The following SERPINB1 variants were observed in gnomAD, a reference collection of about 807,000 sequenced individuals.
SERPINB1 encodes serpin family B member 1.
Under a neutral mutation model 25.9 loss-of-function variants are expected in SERPINB1, and 23 were observed. The ratio of observed to expected loss-of-function variants is 0.89; its 90% CI spans 0.64 to 1.26. The LOEUF is 1.26. SERPINB1 is among the 50% of genes most tolerant of loss of function. The pLI, the probability that SERPINB1 is intolerant of heterozygous loss-of-function variation, is 0.00. For synonymous variants in SERPINB1, 178 were observed against 178.7 expected (o/e 1.00, Z 0.03); for missense variants, 399 against 463.6 (o/e 0.86, Z 1.28).
chr6:2,836,119 T>C lies in SERPINB1; in HGVS notation c.556A>G (p.Arg186Gly). 6.2e-7 allele frequency: 1 copy of C among 1,614,090 alleles called. No homozygotes were observed. The highest frequency in any genetic ancestry group is 8.5e-7 in the Non-Finnish European group (1 of 1,179,998). ...MKEATTNAPFRLNKKDRKTVK... is the reference protein window; with the variant it reads ...MKEATTNAPFGLNKKDRKTVK... ...TTACCTCACCTCACCTTATTCAATC[T>C]GAATGGTGCATTCGTCGTGGCTTCT... is the stretch of plus-strand genomic sequence containing the variant. The change falls in exon 5 of 7, where the codon AGA becomes GGA. Residue 186 changes from arginine (R) to glycine (G), a missense_variant. Transcript: ENST00000380739.
chr6:2,836,722 G>A (rs1434136353), intron 4 of SERPINB1, among the ~76,000 whole-genome samples: 1 of 131,878 alleles, frequency 7.6e-6, no homozygotes, highest in Non-Finnish European at 1.7e-5. Context: ...AAGCATGGTG[G>A]CGCACACCTG....
At chr6:2,839,611 C>G (rs754416068) in intron 2 of SERPINB1, 63 of 452,346 alleles carry the variant, frequency 1.4e-4, no homozygotes, top group Non-Finnish European at 1.7e-4. Flanking sequence ...CTGCACCTTG[C>G]CAAGGAACAG....
rs1489741741 is a variant in SERPINB1, at chr6:2,833,856, T to TA, written c.891dup (p.Asn298Ter). 1 of 1,614,210 alleles carries TA rather than the reference T, an allele frequency of 6.2e-7. No homozygotes were observed. The highest frequency in any genetic ancestry group is 1.1e-5 in the South Asian group (1 of 91,086). On this transcript the variant is annotated frameshift_variant, in exon 7 of 7. Transcript: ENST00000380739. LOFTEE classifies it low-confidence loss of function (END_TRUNC). ...CCAGACAGATCAGCCTTGCTACTGT[T>TA]AAAGAGATCCTGCACACCTAGGCGG...
In SERPINB1 at chr6:2,837,437, C is replaced by A. The variant is rs145659410; in HGVS notation, c.424+445G>T. The stretch of plus-strand genomic sequence containing the variant: ...GGGATTACAGGTGTGTGCTACCACA[C>A]CTGGCTAAATTTTTTGTATTTTTAG... On this transcript the variant is annotated intron_variant, in intron 4 of 6. Transcript: ENST00000380739. The surrounding 1 kb of genome is among the most constrained non-coding windows in gnomAD (Gnocchi z 4.3). Among the ~76,000 whole-genome samples the A allele has an allele frequency of 4.6e-3, 695 of 152,062 alleles. 9 individuals are homozygous for A. Among genetic ancestry groups the A allele is most frequent in the African/African-American group, 0.016 (666 of 41,450 alleles).
intron 2 of SERPINB1, among the ~76,000 whole-genome samples, chr6:2,839,014 T>A (rs1766574062): frequency 6.6e-6 from 1 of 152,240 alleles, no homozygotes; most frequent in Non-Finnish European, 1.5e-5. Flanking sequence ...AAATGGTATG[T>A]TCATATTTAT....
At chr6:2,840,933 C>T (rs1296097724) in intron 1 of SERPINB1, among the ~76,000 whole-genome samples, 1 of 152,126 alleles carries the variant, frequency 6.6e-6, no homozygotes, top group Non-Finnish European at 1.5e-5. Flanking sequence ...AGGGCCCACC[C>T]AGCCCTGGGT....
chr6:2,838,816 A>G, intron 2 of SERPINB1, 130 bp from the exon 3 acceptor site: 1 of 715,426 alleles, frequency 1.4e-6, no homozygotes, highest in Non-Finnish European at 2.0e-6. Context: ...CAAACCCAAT[A>G]CTTTATTAAT....
Position 2,836,270 on chromosome 6 carries a change from G to A in SERPINB1, c.425-20C>T. ...TTTTTCCTAAAAAAAAATCAAGTTA[G>A]CGTAAAAAAAATCCAAATCGGAATT... On this transcript the variant is annotated intron_variant, in intron 4 of 6. Coordinates refer to ENST00000380739, the MANE Select transcript of SERPINB1 (RefSeq NM_030666.4). 6.3e-7 allele frequency: 1 copy of A among 1,576,792 alleles called. No homozygotes were observed. The highest frequency in any genetic ancestry group is 8.6e-7 in the Non-Finnish European group (1 of 1,165,146).
rs1766536600 is a variant in SERPINB1, at chr6:2,837,824, C to T, written c.424+58G>A. On this transcript the variant is annotated intron_variant, in intron 4 of 6. Coordinates refer to ENST00000380739, the MANE Select transcript of SERPINB1 (RefSeq NM_030666.4). The surrounding 1 kb of genome is among the most constrained non-coding windows in gnomAD (Gnocchi z 4.3). ...AATAACTGCAGGTAGGGAAGGCGGA[C>T]TGAGGAAACGAATGACATGACCAGC... 7.8e-7 allele frequency: 1 copy of T among 1,287,780 alleles called. No individual in the cohort carries two copies. The highest frequency in any genetic ancestry group is 1.5e-5 in the African/African-American group (1 of 68,494). 79.8% of individuals were successfully genotyped at this position (1,287,780 alleles called of 1,614,324 possible).
Position 2,834,003 on chromosome 6 carries a change from G to T in SERPINB1, c.745C>A (p.Gln249Lys). The change falls in exon 7 of 7, where the codon CAG (glutamine) becomes AAG (lysine). Residue 249 changes from glutamine (Q) to lysine (K), a missense_variant. Coordinates refer to ENST00000380739, the MANE Select transcript of SERPINB1 (RefSeq NM_030666.4). ...TCATGCAACTTTTCCAAAGTCAACT[G>T]TTCCTCAATCTGCAATTAAAAATGA... Reference protein sequence around the residue: ...ESTGLKKIEEQLTLEKLHEWT... With the variant: ...ESTGLKKIEEKLTLEKLHEWT... The T allele has an allele frequency of 1.3e-6, 2 of 1,592,556 alleles. No individual in the cohort carries two copies. Among genetic ancestry groups the T allele is most frequent in the Non-Finnish European group, 8.6e-7 (1 of 1,169,418 alleles).
chr6:2,838,554 G>A lies in SERPINB1; in HGVS notation c.301C>T (p.Leu101Phe). The A allele has an allele frequency of 1.3e-6, 2 of 1,595,586 alleles. No homozygotes were observed. The highest frequency in any genetic ancestry group is 1.7e-6 in the Non-Finnish European group (2 of 1,171,964). ...GTGAAGGGCAAAGTACTTACAGGAA[G>A]GAAATTGTAAGTTTTCTCTCCATAT... is the stretch of plus-strand genomic sequence containing the variant. ...RLYGEKTYNF[L>F]PEFLVSTQKT... Residue 101 changes from leucine to phenylalanine, a missense_variant, in exon 3 of 7, where the codon CTT (leucine) becomes TTT (phenylalanine). By Grantham distance (22) the Leu-to-Phe change is conservative. Coordinates refer to ENST00000380739, the MANE Select transcript of SERPINB1 (RefSeq NM_030666.4).
chr6:2,834,681 A>C (rs1766435114), intron 6 of SERPINB1, among the ~76,000 whole-genome samples: 1 of 152,208 alleles, frequency 6.6e-6, no homozygotes, highest in African/African-American at 2.4e-5. Flanking sequence ...GAAATTTAAA[A>C]TATTTCTTCT....
At chr6:2,835,311 C>T (rs1766453150) in intron 6 of SERPINB1, among the ~76,000 whole-genome samples, 1 of 152,154 alleles carries the variant, frequency 6.6e-6, no homozygotes, top group Non-Finnish European at 1.5e-5. Flanking sequence ...GTGATGAGAA[C>T]AAACAGTGTA....
chr6:2,839,595 C>T lies in SERPINB1; in HGVS notation c.168+824G>A. The T allele has an allele frequency of 1.3e-5, 8 of 597,300 alleles. No individual in the cohort carries two copies. In the South Asian group the frequency reaches 5.9e-4, roughly 44 times the overall value. 37.0% of individuals were successfully genotyped at this position (597,300 alleles called of 1,614,324 possible). A position where few individuals can be genotyped will look rare whatever the true frequency, so the allele number is the denominator to read the frequency against. The stretch of plus-strand genomic sequence containing the variant: ...GTTTCGCAGCCCCTTGAACTTGAAT[C>T]CCAGGCTGCACCTTGCCAAGGAACA... On this transcript the variant is annotated intron_variant, in intron 2 of 6. Coordinates refer to ENST00000380739, the MANE Select transcript of SERPINB1 (RefSeq NM_030666.4).
chr6:2,833,546 T>C lies in SERPINB1; in HGVS notation c.*62A>G. ...GTAAAGATATAAGACATATTGGCTC[T>C]ATTAAAAACTCAGGTAATAAAGCAC... On this transcript the variant is annotated 3_prime_UTR_variant, in exon 7 of 7. Transcript: ENST00000380739. 1 of 1,411,674 alleles carries C rather than the reference T, an allele frequency of 7.1e-7. No homozygotes were observed. Among genetic ancestry groups the C allele is most frequent in the South Asian group, 1.4e-5 (1 of 72,924 alleles). The allele number at this position is 1,411,674 out of a possible 1,614,324, so 87.4% of individuals were successfully genotyped here. A position where few individuals can be genotyped will look rare whatever the true frequency, so the allele number is the denominator to read the frequency against.
chr6:2,839,908 A>T (rs909773373), intron 2 of SERPINB1, among the ~76,000 whole-genome samples: 2 of 152,236 alleles, frequency 1.3e-5, no homozygotes, highest in Non-Finnish European at 2.9e-5. Flanking sequence ...GCACCCTGGG[A>T]CTACAGAACC....
At chr6:2,834,295 T>TCATCCATCCATC (rs570666148) in intron 6 of SERPINB1, among the ~76,000 whole-genome samples, 10 of 118,124 alleles carry the variant, frequency 8.5e-5, no homozygotes, top group African/African-American at 2.9e-4. Context: ...ATTTGTCCAC[T>TCATCCATCCATC]CATCCATCCA....
chr6:2,836,569 G>T (rs1369313469), intron 4 of SERPINB1, among the ~76,000 whole-genome samples: 2 of 143,902 alleles, frequency 1.4e-5, no homozygotes, highest in Non-Finnish European at 3.1e-5. Flanking sequence ...GCCTTATTTT[G>T]TAACAACCAT....
In SERPINB1 at chr6:2,833,615, G is replaced by C. The variant is rs764085764; in HGVS notation, c.1133C>G (p.Ser378Cys). The part of the protein sequence containing the change: ...GSILFLGRFS[S>C]P ...TGCTACAGTCTCTTTCTTCTAAGGG[G>C]AAGAAAATCTCCCCAAGAATAGGAT... Residue 378 changes from serine to cysteine, a missense_variant, in exon 7 of 7, where the codon TCC (serine) becomes TGC (cysteine). Physicochemically the swap from Ser to Cys is moderately radical, Grantham distance 112. Transcript: ENST00000380739. 1.9e-6 allele frequency: 3 copies of C among 1,603,266 alleles called. No homozygotes were observed. Among genetic ancestry groups the C allele is most frequent in the Non-Finnish European group, 1.7e-6 (2 of 1,174,002 alleles).
Sources: allele counts gnomAD v4.1 joint callset (sites outside exome capture counted in the v4.1 genomes callset), GRCh38; gene constraint gnomAD v4.1.1; non-coding constraint Gnocchi (gnomAD v3.1); transcripts MANE v1.5; gene names NCBI Gene and HGNC (gene_info 2026-07-23, HGNC 2026-07-21).